Variants in TFEC observed in about 807,000 individuals in gnomAD.
TFEC encodes transcription factor EC.
A neutral mutation model predicts 41.6 loss-of-function variants in TFEC; 31 were observed. That is an observed-to-expected ratio of 0.74 (90% CI 0.56 to 1.01). The LOEUF is 1.01. Among genes scored for constraint, TFEC ranks in the 50% least tolerant of loss-of-function variants. The probability of loss-of-function intolerance (pLI) is 0.00; values close to 1 mark genes in which losing one functional copy is unlikely to be tolerated. For missense variants in TFEC, 402 were observed against 404.1 expected, an observed-to-expected ratio of 0.99 and a Z score of 0.04; for synonymous variants, 143 against 140.6, an observed-to-expected ratio of 1.02 and a Z score of -0.12.
Position 116,042,252 on chromosome 7 carries a change from C to T in TFEC, c.199-57739G>A, listed in dbSNP as rs181345886. ...TAGAATAGAGCCATGGAAGAACATTCTTGTCTTTAGAATACATATAATACA... is the reference window on the plus strand; with the variant it reads ...TAGAATAGAGCCATGGAAGAACATTTTTGTCTTTAGAATACATATAATACA... On this transcript the variant is annotated intron_variant, in intron 3 of 8. Coordinates refer to the TFEC transcript ENST00000484212. Among the ~76,000 whole-genome samples, 521 of 152,202 alleles carry T rather than the reference C, an allele frequency of 3.4e-3. 1 individual carries two copies. Among genetic ancestry groups the T allele is most frequent in the Middle Eastern group, 0.014 (4 of 294 alleles).
intron 1 of TFEC, among the ~76,000 whole-genome samples, chr7:116,030,383 A>G (rs1247913798): frequency 1.3e-5 from 2 of 152,332 alleles, no homozygotes; most frequent in African/African-American, 4.8e-5. Flanking sequence ...AACTTTGGTT[A>G]CCATGAACTA....
At chr7:116,147,899 C>A (rs1356215777) in intron 1 of TFEC, among the ~76,000 whole-genome samples, 3 of 151,960 alleles carry the variant, frequency 2.0e-5, no homozygotes. Flanking sequence ...AAAAAATATT[C>A]CTGCTCCACT....
chr7:115,973,411 C>G (rs1407998776), intron 3 of TFEC, among the ~76,000 whole-genome samples: 1 of 151,856 alleles, frequency 6.6e-6, no homozygotes, highest in Admixed American at 6.6e-5. Context: ...TTTAAAGTAA[C>G]AATTCAATTG....
chr7:116,043,778 G>C (rs996021188), intron 3 of TFEC, among the ~76,000 whole-genome samples: 2 of 152,092 alleles, frequency 1.3e-5, no homozygotes, highest in Admixed American at 1.3e-4. Flanking sequence ...GTTAATAATG[G>C]ATTAACATAC....
intron 3 of TFEC, among the ~76,000 whole-genome samples, chr7:116,074,534 A>G (rs1796909441): frequency 6.6e-6 from 1 of 152,166 alleles, no homozygotes. Flanking sequence ...CATTAGAAAA[A>G]TGTAATTCAA....
At chr7:115,961,910 ACCCT>A (rs1792575678) in intron 3 of TFEC, among the ~76,000 whole-genome samples, 1 of 151,364 alleles carries the variant, frequency 6.6e-6, no homozygotes, top group African/African-American at 2.4e-5. Flanking sequence ...TATTAAGAAA[ACCCT>A]CCCTAAGATT....
intron 3 of TFEC, among the ~76,000 whole-genome samples, chr7:116,055,465 T>G (rs886971218): frequency 6.6e-6 from 1 of 152,032 alleles, no homozygotes; most frequent in African/African-American, 2.4e-5. Context: ...CATACAAATA[T>G]GTTCTAATAT....
At chr7:116,056,050 C>T (rs1218520546) in intron 3 of TFEC, among the ~76,000 whole-genome samples, 1 of 151,796 alleles carries the variant, frequency 6.6e-6, no homozygotes, top group South Asian at 2.1e-4. Context: ...CTGTATCCAA[C>T]CAAGATAGAG....
chr7:116,150,825 G>A (rs562797814), intron 1 of TFEC, among the ~76,000 whole-genome samples: 1 of 152,206 alleles, frequency 6.6e-6, no homozygotes, highest in Admixed American at 6.5e-5. Flanking sequence ...GAAGGCATGT[G>A]AGTGTGACTC....
chr7:115,989,094 C>T (rs1227582509), intron 1 of TFEC, among the ~76,000 whole-genome samples: 1 of 152,030 alleles, frequency 6.6e-6, no homozygotes, highest in Non-Finnish European at 1.5e-5. Flanking sequence ...CCCTGCCTTA[C>T]AAGAAATGCT....
chr7:116,059,442 C>T (rs1562954829), intron 3 of TFEC, among the ~76,000 whole-genome samples: 2 of 151,848 alleles, frequency 1.3e-5, no homozygotes, highest in Non-Finnish European at 2.9e-5. Flanking sequence ...ATACCAATTC[C>T]GTACTCCTCC....
intron 2 of TFEC, among the ~76,000 whole-genome samples, chr7:115,976,477 T>C (rs760962926): frequency 7.2e-5 from 11 of 152,136 alleles, no homozygotes; most frequent in Non-Finnish European, 1.0e-4. Flanking sequence ...TAAATTCAAA[T>C]AGACACATGT....
At chr7:116,158,345 A>G (rs892203863) in intron 1 of TFEC, among the ~76,000 whole-genome samples, 2 of 152,126 alleles carry the variant, frequency 1.3e-5, no homozygotes, top group East Asian at 3.9e-4. Flanking sequence ...GTAGCTTTAA[A>G]TGAGCATTAC....
chr7:116,125,995 G>A (rs12154994), intron 1 of TFEC, among the ~76,000 whole-genome samples: 23,369 of 152,030 alleles, frequency 0.15, 1,843 homozygotes, highest in East Asian at 0.25. Context: ...GCCCAGTAGT[G>A]AAAACAGATC....
intron 3 of TFEC, among the ~76,000 whole-genome samples, chr7:116,056,311 G>T (rs1163568256): frequency 6.6e-6 from 1 of 152,118 alleles, no homozygotes; most frequent in Non-Finnish European, 1.5e-5. Context: ...AGTTGAGTTG[G>T]TCTGGTAGTA....
In TFEC at chr7:115,950,874, G is replaced by A. The variant is rs202236667; in HGVS notation, c.515C>T (p.Pro172Leu). 23 of 1,594,208 alleles carry A rather than the reference G, an allele frequency of 1.4e-5. No homozygotes were observed. The highest frequency in any genetic ancestry group is 6.8e-5 in the African/African-American group (5 of 74,032). Reference protein sequence around the residue: ...LGTLIPKSNDPDMRWNKGTIL... With the variant: ...LGTLIPKSNDLDMRWNKGTIL... ...TTATAGAAATGATTGTTGAACTCACGGATCATTAGACTTTGGAATAAGAGT... is the reference window on the plus strand; with the variant it reads ...TTATAGAAATGATTGTTGAACTCACAGATCATTAGACTTTGGAATAAGAGT... Residue 172 changes from proline to leucine, a missense_variant and splice_region_variant, in exon 6 of 8, where the codon CCT (proline) becomes CTT (leucine). Physicochemically the swap from Pro to Leu is moderately conservative, Grantham distance 98. Coordinates refer to ENST00000265440, the MANE Select transcript of TFEC (RefSeq NM_012252.4).
chr7:116,105,841 A>T (rs1797705381), intron 3 of TFEC, among the ~76,000 whole-genome samples: 1 of 152,166 alleles, frequency 6.6e-6, no homozygotes, highest in African/African-American at 2.4e-5. Flanking sequence ...TTAACTGGGA[A>T]GTTAAATTTT....
At chr7:115,980,642 T>C (rs1793585384) in intron 2 of TFEC, among the ~76,000 whole-genome samples, 1 of 151,948 alleles carries the variant, frequency 6.6e-6, no homozygotes, top group African/African-American at 2.4e-5. Context: ...CCCAGCTACC[T>C]GGGAGGCTGA....
chr7:116,008,335 T>C (rs1241986800), intron 1 of TFEC, among the ~76,000 whole-genome samples: 1 of 152,092 alleles, frequency 6.6e-6, no homozygotes, highest in African/African-American at 2.4e-5. Flanking sequence ...TGATAGTAAA[T>C]AAAAACATAT....
Sources: gnomAD v4.1 joint callset for allele counts (sites outside exome capture counted in the v4.1 genomes callset) on GRCh38, gnomAD v4.1.1 for gene constraint, MANE v1.5 for transcripts, NCBI Gene and HGNC (gene_info 2026-07-23, HGNC 2026-07-21) for gene names.